MAP7: variants seen among roughly 807,000 people sequenced by gnomAD.
MAP7 encodes the protein microtubule associated protein 7, also known as ensconsin.
Under a neutral mutation model 94.8 loss-of-function variants are expected in MAP7, and 52 were observed. That is an observed-to-expected ratio of 0.55 (90% CI 0.44 to 0.69). The LOEUF is 0.69. Ranked by LOEUF, MAP7 falls within the 30% of genes least tolerant of loss-of-function variation. The pLI is 0.00. For synonymous variants in MAP7, 350 were observed against 357.0 expected, an observed-to-expected ratio of 0.98 and a Z score of 0.22; for missense variants, 940 against 964.6, an observed-to-expected ratio of 0.97 and a Z score of 0.34.
At chr6:136,508,513 A>G (rs1822263767) in intron 1 of MAP7, among the ~76,000 whole-genome samples, 1 of 152,170 alleles carries the variant, frequency 6.6e-6, no homozygotes, top group African/African-American at 2.4e-5. Flanking sequence ...CTGAATTTGG[A>G]CACCAATACT....
intron 6 of MAP7, 67 bp downstream of exon 6, chr6:136,383,604 G>T (rs1554238116): frequency 1.2e-6 from 1 of 867,310 alleles, no homozygotes; most frequent in Non-Finnish European, 1.8e-6. Flanking sequence ...ATTTTTATCT[G>T]TAAACATCCA....
At chr6:136,421,834 T>A (rs1791466707) in intron 1 of MAP7, 35 bp from the exon 2 acceptor site, 1 of 1,515,138 alleles carries the variant, frequency 6.6e-7, no homozygotes, top group Non-Finnish European at 9.0e-7. Flanking sequence ...AAGACACATT[T>A]AGTTTCTTAA....
chr6:136,370,034 T>TA lies in MAP7; in HGVS notation c.876+2466dup, dbSNP rs556236304. On this transcript the variant is annotated intron_variant, in intron 8 of 17. Coordinates refer to ENST00000354570, the MANE Select transcript of MAP7 (RefSeq NM_003980.6). ...AAGTATCTGTAAGTCATATATTTAA[T>TA]AAGGGGTTACTACTAGAATATATAA... 3.7e-3 allele frequency among the ~76,000 whole-genome samples: 569 copies of TA among 152,308 alleles called. 7 individuals are homozygous for TA. The highest frequency in any genetic ancestry group is 0.013 in the African/African-American group (544 of 41,570).
rs544132005 is a variant in MAP7, at chr6:136,539,856, G to A, written c.67+10486C>T. 6.6e-5 allele frequency among the ~76,000 whole-genome samples: 10 copies of A among 152,280 alleles called. No homozygotes were observed. In the East Asian group the frequency reaches 7.7e-4, roughly 12 times the overall value. On this transcript the variant is annotated intron_variant, in intron 1 of 17. Transcript: ENST00000354570. Reference sequence around the variant, plus strand: ...TTAGCCAGGCTGATGGCATGCACCCGTAGTCTCAGGTACTCGGTAGGCTGA... The same window carrying A: ...TTAGCCAGGCTGATGGCATGCACCCATAGTCTCAGGTACTCGGTAGGCTGA...
At position 136,471,918 on chromosome 6, in the gene MAP7, G is replaced by A. The variant is rs1488826412; in HGVS notation, c.68-50119C>T. ...CTTGTGAGACTGATGCTGGTTTAGG[G>A]ATAATTACAATGAAGTCACTTTTAA... On this transcript the variant is annotated intron_variant, in intron 1 of 17. Transcript: ENST00000354570. Among the ~76,000 whole-genome samples, 5 of 152,224 alleles carry A rather than the reference G, an allele frequency of 3.3e-5. No homozygotes were observed. In the South Asian group the frequency reaches 8.3e-4, roughly 25 times the overall value.
At chr6:136,541,788 G>A (rs1429976159) in intron 1 of MAP7, among the ~76,000 whole-genome samples, 1 of 152,172 alleles carries the variant, frequency 6.6e-6, no homozygotes, top group Non-Finnish European at 1.5e-5. Context: ...GCCGGGAGTG[G>A]TGGCTCCCAC....
At position 136,361,079 on chromosome 6, in the gene MAP7, C is replaced by T. The variant is rs757690767; in HGVS notation, c.1627G>A (p.Glu543Lys). The T allele has an allele frequency of 7.5e-6, 12 of 1,603,000 alleles. No individual in the cohort carries two copies. In the South Asian group the frequency reaches 1.2e-4, roughly 16 times the overall value. Residue 543 changes from glutamate to lysine, a missense_variant, in exon 12 of 18, where the codon GAG (glutamate) becomes AAG (lysine). Physicochemically the swap from Glu to Lys is moderately conservative, Grantham distance 56 (BLOSUM62 1). Transcript: ENST00000354570. ...RLEAEQAREK[E>K]EQLQRQAEER... The stretch of plus-strand genomic sequence containing the variant: ...TCCGCCTGCCGCTGCAGCTGCTCCT[C>T]CTTCTCCCGGGCCTGCTCGGCTTCC...
intron 1 of MAP7, among the ~76,000 whole-genome samples, chr6:136,512,110 C>T (rs1238639671): frequency 6.6e-6 from 1 of 152,204 alleles, no homozygotes; most frequent in African/African-American, 2.4e-5. Context: ...TATCTCCAGG[C>T]CTTTGCTAGA....
At chr6:136,357,322 C>T (rs541812776) in intron 15 of MAP7, among the ~76,000 whole-genome samples, 5 of 152,308 alleles carry the variant, frequency 3.3e-5, no homozygotes, top group South Asian at 2.1e-4. Flanking sequence ...TTATTCAAAG[C>T]TCAATGTTGC....
At chr6:136,447,974 G>A (rs1799858200) in intron 1 of MAP7, among the ~76,000 whole-genome samples, 1 of 151,994 alleles carries the variant, frequency 6.6e-6, no homozygotes, top group Non-Finnish European at 1.5e-5. Flanking sequence ...GGCAGATCAC[G>A]AGGTCAGGAG....
intron 1 of MAP7, among the ~76,000 whole-genome samples, chr6:136,493,592 C>T (rs1817361875): frequency 6.6e-6 from 1 of 152,122 alleles, no homozygotes; most frequent in African/African-American, 2.4e-5. Flanking sequence ...CTATTTTCAA[C>T]TTTTGAAGAA....
Position 136,426,026 on chromosome 6 carries a change from G to C in MAP7, c.68-4227C>G, listed in dbSNP as rs371151007. On this transcript the variant is annotated intron_variant, in intron 1 of 17. Transcript: ENST00000354570. ...TGTTTCTAGGTTACACTGTATTCTG[G>C]AGCTTCTGATTCCTCCAATACTATC... Among the ~76,000 whole-genome samples, 18 of 152,110 alleles carry C rather than the reference G, an allele frequency of 1.2e-4. No homozygotes were observed. The South Asian group carries it at 2.3e-3, about 19-fold the overall frequency.
At chr6:136,459,502 C>T (rs1438997769) in intron 1 of MAP7, among the ~76,000 whole-genome samples, 2 of 152,116 alleles carry the variant, frequency 1.3e-5, no homozygotes, top group African/African-American at 4.8e-5. Flanking sequence ...GATATGGAAA[C>T]AAATTAATTG....
In MAP7 at chr6:136,444,351, A is replaced by G. The variant is rs151239119; in HGVS notation, c.68-22552T>C. 4.8e-3 allele frequency among the ~76,000 whole-genome samples: 734 copies of G among 152,362 alleles called. 2 individuals carry two copies. Among genetic ancestry groups the G allele is most frequent in the Non-Finnish European group, 7.4e-3 (506 of 68,034 alleles). On this transcript the variant is annotated intron_variant, in intron 1 of 17. Coordinates refer to ENST00000354570, the MANE Select transcript of MAP7 (RefSeq NM_003980.6). ...TTGAATCTGATGTACACCAAAGTTG[A>G]AAACCACTGCACTATGCTACTTTAC...
rs557032498 is a variant in MAP7 at position 136,460,997 on chromosome 6, C to T, written c.68-39198G>A. Among the ~76,000 whole-genome samples, 14 of 152,242 alleles carry T rather than the reference C, an allele frequency of 9.2e-5. No homozygotes were observed. In the South Asian group the frequency reaches 2.7e-3, roughly 29 times the overall value. On this transcript the variant is annotated intron_variant, in intron 1 of 17. Transcript: ENST00000354570. Reference sequence around the variant, plus strand: ...TATTGGGTATAGCGAGCATAACTTACATGAAAAGGCTAAAACCCTCTATAC... The same window carrying T: ...TATTGGGTATAGCGAGCATAACTTATATGAAAAGGCTAAAACCCTCTATAC...
At chr6:136,363,228 C>T (rs1382235295) in intron 10 of MAP7, among the ~76,000 whole-genome samples, 1 of 152,214 alleles carries the variant, frequency 6.6e-6, no homozygotes, top group Non-Finnish European at 1.5e-5. Context: ...CTCGGGGCCT[C>T]TTTGGGAGCT....
chr6:136,505,597 G>A (rs942554939), intron 1 of MAP7, among the ~76,000 whole-genome samples: 2 of 151,850 alleles, frequency 1.3e-5, no homozygotes, highest in Admixed American at 1.3e-4. Flanking sequence ...GAAAAATGAT[G>A]AGAACACAGG....
intron 16 of MAP7, among the ~76,000 whole-genome samples, chr6:136,354,986 G>A (rs1790463593): frequency 2.0e-5 from 3 of 152,138 alleles, no homozygotes; most frequent in Admixed American, 1.3e-4. Flanking sequence ...CACTTTGGGA[G>A]GCCAAGATGG....
chr6:136,402,589 T>C (rs1784394173), intron 3 of MAP7, among the ~76,000 whole-genome samples: 1 of 152,096 alleles, frequency 6.6e-6, no homozygotes, highest in African/African-American at 2.4e-5. Flanking sequence ...TTCTTATATG[T>C]AGGCTGAATG....
Sources: gnomAD v4.1 joint callset for allele counts (sites outside exome capture counted in the v4.1 genomes callset) on GRCh38, gnomAD v4.1.1 for gene constraint, MANE v1.5 for transcripts, NCBI Gene and HGNC (gene_info 2026-07-23, HGNC 2026-07-21) for gene names.